The following FN1 variants were observed in gnomAD, a reference collection of about 807,000 sequenced individuals.
FN1 encodes fibronectin.
A neutral mutation model predicts 297.3 loss-of-function variants in FN1; 106 were observed. The observed-to-expected ratio is 0.36, with a 90% CI of 0.30 to 0.42. FN1 has a LOEUF of 0.42. Among genes scored for constraint, FN1 ranks in the 10% least tolerant of loss-of-function variants. The probability of loss-of-function intolerance (pLI) is 1.00; values close to 1 mark genes in which losing one functional copy is unlikely to be tolerated. For missense variants in FN1, 2,690 were observed against 3,124.9 expected (o/e 0.86, Z 3.32); for synonymous variants, 1,149 against 1,152.6 (o/e 1.00, Z 0.06).
In FN1 at chr2:215,429,674, G is replaced by C. The variant is rs561563552; in HGVS notation, c.685+1041C>G. Among the ~76,000 whole-genome samples, 3 of 152,164 alleles carry C rather than the reference G, an allele frequency of 2.0e-5. No homozygotes were observed. The South Asian group carries it at 6.2e-4, about 31-fold the overall frequency. ...GAAATCTTTAATACTGTGTTTTGCA[G>C]ATGATAAATATGTATAAGACTTTCT... is the stretch of plus-strand genomic sequence containing the variant. On this transcript the variant is annotated intron_variant, in intron 5 of 45. Coordinates refer to ENST00000354785, the MANE Select transcript of FN1 (RefSeq NM_212482.4).
chr2:215,380,943 A>G lies in FN1; in HGVS notation c.5302T>C (p.Phe1768Leu). 6.2e-7 allele frequency: 1 copy of G among 1,614,216 alleles called. No individual in the cohort carries two copies. Among genetic ancestry groups the G allele is most frequent in the Non-Finnish European group, 8.5e-7 (1 of 1,180,028 alleles). Residue 1768 changes from phenylalanine to leucine, a missense_variant, in exon 33 of 46, where the codon TTC (phenylalanine) becomes CTC (leucine). Transcript: ENST00000354785. ...TCTTCTTCACCATCAGGTGCAGGGAATAGCTCATGGATTCCATCCTCAGGG... is the reference window on the plus strand; with the variant it reads ...TCTTCTTCACCATCAGGTGCAGGGAGTAGCTCATGGATTCCATCCTCAGGG... Reference protein sequence around the residue: ...SSPEDGIHELFPAPDGEEDTA... With the variant: ...SSPEDGIHELLPAPDGEEDTA...
chr2:215,364,554 C>T, intron 44 of FN1: 1 of 417,302 alleles, frequency 2.4e-6, no homozygotes, highest in Non-Finnish European at 4.5e-6. Context: ...GTATCTCTGA[C>T]ATGCTAGGGA....
In FN1 at chr2:215,384,880, CTG is replaced by C; in HGVS notation, c.4707_4708del (p.Tyr1569Ter). The C allele has an allele frequency of 6.2e-7, 1 of 1,610,248 alleles. No homozygotes were observed. The highest frequency in any genetic ancestry group is 8.5e-7 in the Non-Finnish European group (1 of 1,176,550). On this transcript the variant is annotated stop_gained and frameshift_variant, in exon 29 of 46. Coordinates refer to ENST00000354785, the MANE Select transcript of FN1 (RefSeq NM_212482.4). LOFTEE classifies it high-confidence loss of function. ...TGTACCTGTCTCTCCGTAAGTGATCCTGTAATATCTCACTGTGACAGCAGGAG... is the reference window on the plus strand; with the variant it reads ...TGTACCTGTCTCTCCGTAAGTGATCCTAATATCTCACTGTGACAGCAGGAG...
Position 215,372,149 on chromosome 2 carries a change from G to A in FN1, c.6474C>T (p.Thr2158=). The stretch of plus-strand genomic sequence containing the variant: ...ATGGTCTTGGCCTATGCCTTATGGG[G>A]GTGGCCGTTGTGGGCGGTGTGGTCC... ...FRRTTPPTTA[T]PIRHRPRPYP... Residue 2158 remains threonine, a synonymous_variant, in exon 40 of 46, where the codon ACC becomes ACT. Coordinates refer to ENST00000354785, the MANE Select transcript of FN1 (RefSeq NM_212482.4). 6.2e-7 allele frequency: 1 copy of A among 1,614,190 alleles called. No homozygotes were observed. Among genetic ancestry groups the A allele is most frequent in the Non-Finnish European group, 8.5e-7 (1 of 1,180,038 alleles).
chr2:215,393,031 G>A lies in FN1; in HGVS notation c.3969C>T (p.Tyr1323=). The change falls in exon 25 of 46, where the codon TAC becomes TAT. Residue 1323 remains tyrosine, a synonymous_variant. Coordinates refer to ENST00000354785, the MANE Select transcript of FN1 (RefSeq NM_212482.4). ...TGCCCGGCTCCAGCCCTGTGACTGT[G>A]TAGTATCCTACTGAGGAGTCCACAA... ...EDFVDSSVGY[Y]TVTGLEPGID... 6.2e-7 allele frequency: 1 copy of A among 1,614,046 alleles called. No homozygotes were observed. The highest frequency in any genetic ancestry group is 1.1e-5 in the South Asian group (1 of 91,068).
intron 10 of FN1, 185 bp from the exon 11 acceptor site, chr2:215,420,986 CA>C: frequency 1.6e-5 from 10 of 623,640 alleles, no homozygotes; most frequent in Admixed American, 8.4e-5. Flanking sequence ...CAATTTTTGC[CA>C]AAAAAATTTT....
chr2:215,401,187 GAGAAAGAAAGAAA>G lies in FN1; in HGVS notation c.3254-1849_3254-1837del, dbSNP rs1215972770. ...AGAAAGAAAGAGAGAGAGAGTGAGA[GAGAAAGAAAGAAA>G]AGAAAGAAAGAAAGAAAGAAAGAAA... On this transcript the variant is annotated intron_variant, in intron 20 of 45. Transcript: ENST00000354785. Among the ~76,000 whole-genome samples the G allele has an allele frequency of 7.4e-5, 9 of 121,908 alleles. No homozygotes were observed. In the East Asian group the frequency reaches 1.9e-3, roughly 26 times the overall value. 80.0% of individuals were successfully genotyped at this position (121,908 alleles called of 152,430 possible). A position where few individuals can be genotyped will look rare whatever the true frequency, so the allele number is the denominator to read the frequency against.
intron 23 of FN1, among the ~76,000 whole-genome samples, chr2:215,395,402 G>A (rs2060193283): frequency 6.6e-6 from 1 of 152,038 alleles, no homozygotes; most frequent in Non-Finnish European, 1.5e-5. Context: ...GCTGGGCTTG[G>A]TGGCGCATGT....
intron 25 of FN1, 120 bp from the exon 26 acceptor site, chr2:215,391,934 A>G (rs1209470234): frequency 1.2e-6 from 1 of 839,992 alleles, no homozygotes; most frequent in Non-Finnish European, 2.0e-6. Context: ...TAATCATGCA[A>G]ACAGTCTAAT....
chr2:215,421,915 G>C (rs1389621175), intron 10 of FN1, among the ~76,000 whole-genome samples, 176 bp downstream of exon 10: 1 of 152,110 alleles, frequency 6.6e-6, no homozygotes, highest in Non-Finnish European at 1.5e-5. Context: ...GCTTGTCTTA[G>C]CAGGCTGCCT....
chr2:215,378,948 T>C (rs574534187), intron 34 of FN1, among the ~76,000 whole-genome samples, 182 bp downstream of exon 34: 2 of 152,164 alleles, frequency 1.3e-5, no homozygotes, highest in Non-Finnish European at 2.9e-5. Flanking sequence ...TCTGTCCCAA[T>C]AGTCATCTGG....
intron 5 of FN1, among the ~76,000 whole-genome samples, chr2:215,430,420 G>C (rs2066295608): frequency 6.6e-6 from 1 of 152,168 alleles, no homozygotes; most frequent in Non-Finnish European, 1.5e-5. Context: ...TTTAGCCTGT[G>C]AATGTGCCCT....
intron 34 of FN1, 125 bp from the exon 35 acceptor site, chr2:215,378,387 A>C (rs2106323138): frequency 4.3e-6 from 3 of 695,698 alleles, no homozygotes; most frequent in East Asian, 5.4e-5. Flanking sequence ...CAAAACCCAC[A>C]ACCTTGAAAA....
chr2:215,379,487 G>A, intron 33 of FN1, 170 bp from the exon 34 acceptor site: 1 of 619,398 alleles, frequency 1.6e-6, no homozygotes, highest in Non-Finnish European at 2.9e-6. Flanking sequence ...GCAAAATGAA[G>A]AAAGTGTTTG....
At chr2:215,389,185 C>G (rs1392174673) in intron 26 of FN1, among the ~76,000 whole-genome samples, 1 of 152,016 alleles carries the variant, frequency 6.6e-6, no homozygotes, top group Non-Finnish European at 1.5e-5. Flanking sequence ...CTCACTGAAA[C>G]CTCTGCCTCC....
In FN1 at chr2:215,428,138, C is replaced by T; in HGVS notation, c.844+42G>A. 2.5e-6 allele frequency: 4 copies of T among 1,610,910 alleles called. No homozygotes were observed. The South Asian group carries it at 4.4e-5, about 18-fold the overall frequency. On this transcript the variant is annotated intron_variant, in intron 6 of 45. Coordinates refer to ENST00000354785, the MANE Select transcript of FN1 (RefSeq NM_212482.4). ...ATGGATTTGCGGAAATATTTCTTGA[C>T]CTGCTTCCCCATTTCCCGCCCCTGC...
intron 44 of FN1, chr2:215,364,310 C>A: frequency 7.5e-6 from 1 of 133,852 alleles, no homozygotes; most frequent in Non-Finnish European, 1.5e-5. Context: ...AGATATTATT[C>A]AAAATATTTA....
intron 32 of FN1, chr2:215,381,888 T>C (rs2058272224): frequency 2.7e-6 from 1 of 366,250 alleles, no homozygotes; most frequent in Non-Finnish European, 5.3e-6. Context: ...CAATCAACTT[T>C]ACCATCCAGT....
At position 215,372,395 on chromosome 2, in the gene FN1, G is replaced by A; in HGVS notation, c.6248-20C>T. 6.3e-7 allele frequency: 1 copy of A among 1,589,644 alleles called. No homozygotes were observed. Among genetic ancestry groups the A allele is most frequent in the Non-Finnish European group, 8.6e-7 (1 of 1,157,908 alleles). On this transcript the variant is annotated intron_variant, in intron 39 of 45. Transcript: ENST00000354785. Reference sequence around the variant, plus strand: ...GCTCGTCTAGCCGAGAGAGGTTAGAGCCAAAAAAGCAAAGCGCATTAAGCT... The same window carrying A: ...GCTCGTCTAGCCGAGAGAGGTTAGAACCAAAAAAGCAAAGCGCATTAAGCT...
Sources: allele counts gnomAD v4.1 joint callset (sites outside exome capture counted in the v4.1 genomes callset), GRCh38; gene constraint gnomAD v4.1.1; transcripts MANE v1.5; gene names NCBI Gene and HGNC (gene_info 2026-07-23, HGNC 2026-07-21).